The following CNTN4 variants were observed in gnomAD, a reference collection of about 807,000 sequenced individuals.
CNTN4 encodes contactin-4.
CNTN4 carries 77 observed loss-of-function variants against 122.5 expected under a neutral mutation model. That is an observed-to-expected ratio of 0.63 (90% CI 0.52 to 0.76). The LOEUF (loss-of-function observed/expected upper bound fraction) is 0.76. Among genes scored for constraint, CNTN4 ranks in the 30% least tolerant of loss-of-function variants. The pLI, the probability that CNTN4 is intolerant of heterozygous loss-of-function variation, is 0.00. For missense variants in CNTN4, 1,256 were observed against 1,259.1 expected (o/e 1.00, Z 0.04); for synonymous variants, 512 against 447.0 (o/e 1.15, Z -1.83).
At chr3:2,894,927 A>G (rs867187631) in intron 10 of CNTN4, among the ~76,000 whole-genome samples, 10 of 152,214 alleles carry the variant, frequency 6.6e-5, no homozygotes, top group South Asian at 4.1e-4. Flanking sequence ...TGTGAATTCA[A>G]TGGGCATAGT....
intron 4 of CNTN4, among the ~76,000 whole-genome samples, chr3:2,646,920 A>G: frequency 6.6e-6 from 1 of 152,154 alleles, no homozygotes; most frequent in East Asian, 1.9e-4. Context: ...GTGTCCAAAT[A>G]CAGTCACATT....
intron 14 of CNTN4, among the ~76,000 whole-genome samples, chr3:3,016,490 A>G (rs969535227): frequency 6.6e-6 from 1 of 152,202 alleles, no homozygotes; most frequent in Non-Finnish European, 1.5e-5. Flanking sequence ...TTCCCTGGTC[A>G]TGGGTAAAAA....
intron 4 of CNTN4, among the ~76,000 whole-genome samples, chr3:2,688,614 A>G (rs1455385830): frequency 1.3e-5 from 2 of 152,204 alleles, no homozygotes; most frequent in African/African-American, 4.8e-5. Flanking sequence ...AACACAGCAT[A>G]TCAGTGCAGA....
intron 8 of CNTN4, among the ~76,000 whole-genome samples, chr3:2,871,342 A>G (rs534638918): frequency 5.3e-4 from 80 of 152,316 alleles, no homozygotes; most frequent in Admixed American, 9.8e-4. Flanking sequence ...ATATTTTTAA[A>G]AGACAGATTA....
chr3:2,271,744 C>G (rs540649910), intron 2 of CNTN4, among the ~76,000 whole-genome samples: 223 of 152,210 alleles, frequency 1.5e-3, no homozygotes, highest in Non-Finnish European at 2.4e-3. Flanking sequence ...AAGAATGTAT[C>G]TTATTGGAGG....
At chr3:2,178,159 A>T in intron 2 of CNTN4, among the ~76,000 whole-genome samples, 1 of 152,058 alleles carries the variant, frequency 6.6e-6, no homozygotes, top group East Asian at 1.9e-4. Context: ...TATTTGTGTA[A>T]GGCTTTTATA....
rs116469344 is a variant in CNTN4, at chr3:2,375,986, T to G, written c.-89+36753T>G. On this transcript the variant is annotated intron_variant, in intron 3 of 24. Coordinates refer to ENST00000418658, the MANE Select transcript of CNTN4 (RefSeq NM_175607.3). ...GCTTAATGGTTGATATATTTTTCTTTCTTCTCTGACTTTGCCATTTATTGA... is the reference window on the plus strand; with the variant it reads ...GCTTAATGGTTGATATATTTTTCTTGCTTCTCTGACTTTGCCATTTATTGA... 4.2e-3 allele frequency among the ~76,000 whole-genome samples: 636 copies of G among 152,310 alleles called. 6 individuals are homozygous for G. Among genetic ancestry groups the G allele is most frequent in the African/African-American group, 0.014 (582 of 41,570 alleles).
chr3:2,538,722 C>A (rs1255862392), intron 3 of CNTN4, among the ~76,000 whole-genome samples: 2 of 151,800 alleles, frequency 1.3e-5, no homozygotes, highest in Admixed American at 6.6e-5. Context: ...TTTTTAAAAA[C>A]AGGAATGAAT....
At position 2,950,926 on chromosome 3, in the gene CNTN4, C is replaced by T. The variant is rs1398095083; in HGVS notation, c.1358+25147C>T. ...CTTGATCATTGTCATATCTTATGCA[C>T]TTAGCATAGTACTTGACACATAATG... On this transcript the variant is annotated intron_variant, in intron 13 of 24. Coordinates refer to ENST00000418658, the MANE Select transcript of CNTN4 (RefSeq NM_175607.3). Among the ~76,000 whole-genome samples the T allele has an allele frequency of 2.0e-5, 3 of 151,382 alleles. No individual in the cohort carries two copies. In the East Asian group the frequency reaches 6.7e-4, roughly 34 times the overall value.
At chr3:2,340,707 A>AGAGAGAGAGAGAGAGAGAGAGAGGGG (rs1174143787) in intron 3 of CNTN4, among the ~76,000 whole-genome samples, 9 of 85,358 alleles carry the variant, frequency 1.1e-4, no homozygotes, top group African/African-American at 2.1e-4. Context: ...ATATATATAT[A>AGAGAGAGAGAGAGAGAGAGAGAGGGG]TATAGAGAGA....
intron 7 of CNTN4, among the ~76,000 whole-genome samples, chr3:2,861,243 G>C (rs1038210465): frequency 6.6e-6 from 1 of 152,108 alleles, no homozygotes; most frequent in Non-Finnish European, 1.5e-5. Flanking sequence ...CAATTCCAGA[G>C]ATCTTTCCAT....
At chr3:2,936,665 C>T (rs1476540921) in intron 13 of CNTN4, among the ~76,000 whole-genome samples, 3 of 152,152 alleles carry the variant, frequency 2.0e-5, no homozygotes, top group African/African-American at 4.8e-5. Context: ...AGCCTGAGAA[C>T]GTGCTGTTCT....
chr3:2,790,773 A>AACTT (rs139107924), intron 6 of CNTN4, among the ~76,000 whole-genome samples: 3,650 of 152,302 alleles, frequency 0.024, 63 homozygotes, highest in Non-Finnish European at 0.036. Context: ...TGCCATTCAT[A>AACTT]ACTTGTGCAT....
intron 14 of CNTN4, among the ~76,000 whole-genome samples, chr3:3,012,004 A>G (rs1269389953): frequency 6.6e-6 from 1 of 152,158 alleles, no homozygotes; most frequent in Non-Finnish European, 1.5e-5. Context: ...CAAGTTAAGA[A>G]ACAAATTAAC....
In CNTN4 at chr3:3,034,784, A is replaced by T. The variant is rs765656962; in HGVS notation, c.1936A>T (p.Ser646Cys). 3 of 1,614,110 alleles carry T rather than the reference A, an allele frequency of 1.9e-6. No individual in the cohort carries two copies. The highest frequency in any genetic ancestry group is 1.1e-5 in the South Asian group (1 of 91,070). The change falls in exon 17 of 25, where the codon AGT becomes TGT. Residue 646 changes from serine (S) to cysteine (C), a missense_variant. Ser to Cys is a moderately radical substitution (Grantham distance 112). Coordinates refer to ENST00000418658, the MANE Select transcript of CNTN4 (RefSeq NM_175607.3). ...ATTCTCCGTGGGCTGGCAAGCAGTC[A>T]GTACAGGTACCATATTGGATGCTTG... ...TPFSVGWQAV[S>C]TVPELIDGKT...
chr3:3,052,753 A>G (rs1445878541), intron 23 of CNTN4, among the ~76,000 whole-genome samples: 1 of 152,212 alleles, frequency 6.6e-6, no homozygotes, highest in Non-Finnish European at 1.5e-5. Flanking sequence ...TGCAAGCTGC[A>G]GATATGTCCA....
At chr3:2,249,737 A>T (rs79248289) in intron 2 of CNTN4, among the ~76,000 whole-genome samples, 6,251 of 152,022 alleles carry the variant, frequency 0.041, 173 homozygotes, top group Non-Finnish European at 0.062. Flanking sequence ...AAGGTAATAG[A>T]GTGGGTAATG....
chr3:2,121,029 T>C (rs2033743634), intron 2 of CNTN4, among the ~76,000 whole-genome samples: 1 of 152,122 alleles, frequency 6.6e-6, no homozygotes, highest in African/African-American at 2.4e-5. Flanking sequence ...CTGAAGCCAC[T>C]TGAAAGTCTA....
intron 3 of CNTN4, among the ~76,000 whole-genome samples, chr3:2,528,350 G>T (rs1214700408): frequency 6.6e-6 from 1 of 151,950 alleles, no homozygotes; most frequent in African/African-American, 2.4e-5. Flanking sequence ...CTCATATGTG[G>T]AGAAATCAGG....
Sources: gnomAD v4.1 joint callset for allele counts (sites outside exome capture counted in the v4.1 genomes callset) on GRCh38, gnomAD v4.1.1 for gene constraint, MANE v1.5 for transcripts, NCBI Gene and HGNC (gene_info 2026-07-23, HGNC 2026-07-21) for gene names.